Variants in ERBB2 observed in about 807,000 individuals in gnomAD.
ERBB2 encodes the protein receptor tyrosine-protein kinase erbB-2.
Under a neutral mutation model 149.0 loss-of-function variants are expected in ERBB2, and 61 were observed. That is an observed-to-expected ratio of 0.41 (90% confidence interval 0.33 to 0.51). The LOEUF (loss-of-function observed/expected upper bound fraction) is 0.51. ERBB2 is among the 20% of genes least tolerant of loss of function. The pLI is 0.25. For missense variants in ERBB2, 1,205 were observed against 1,655.1 expected, an observed-to-expected ratio of 0.73 and a Z score of 4.72; for synonymous variants, 633 against 678.8, an observed-to-expected ratio of 0.93 and a Z score of 1.05.
rs898009625 is a variant in ERBB2 at position 39,721,246 on chromosome 17, G to A, written c.1946+1412G>A. Among the ~76,000 whole-genome samples, 8 of 150,450 alleles carry A rather than the reference G, an allele frequency of 5.3e-5. No individual in the cohort carries two copies. In the East Asian group the frequency reaches 7.8e-4, roughly 15 times the overall value. Reference sequence around the variant, plus strand: ...ATCACAGGAGTGAGCCACCACTCCTGGCGATGAGCCAAGTCTTTTTTTTTT... The same window carrying A: ...ATCACAGGAGTGAGCCACCACTCCTAGCGATGAGCCAAGTCTTTTTTTTTT... On this transcript the variant is annotated intron_variant, in intron 16 of 26. Coordinates refer to ENST00000269571, the MANE Select transcript of ERBB2 (RefSeq NM_004448.4).
intron 16 of ERBB2, among the ~76,000 whole-genome samples, chr17:39,721,995 C>T (rs926834951): frequency 5.3e-5 from 8 of 151,816 alleles, no homozygotes; most frequent in African/African-American, 1.7e-4. Context: ...CTTGGCTCAC[C>T]GCAACCTCCA....
upstream of ERBB2, among the ~76,000 whole-genome samples, chr17:39,697,091 T>C (rs2057879823): frequency 6.6e-6 from 1 of 152,106 alleles, no homozygotes; most frequent in South Asian, 2.1e-4. Context: ...CCAACTTTTC[T>C]CTCTAGCCCT....
Position 39,709,527 on chromosome 17 carries a change from C to G in ERBB2, c.574+75C>G, listed in dbSNP as rs115269951. The stretch of plus-strand genomic sequence containing the variant: ...AGCCGCAAACTCCCAACTTACAACC[C>G]AGTGCCTGCCCGCCACTGCCCCAGC... On this transcript the variant is annotated intron_variant, in intron 4 of 26. Transcript: ENST00000269571. 492 of 1,549,166 alleles carry G rather than the reference C, an allele frequency of 3.2e-4. 4 individuals carry two copies. In the African/African-American group the frequency reaches 5.9e-3, roughly 19 times the overall value.
upstream of ERBB2, among the ~76,000 whole-genome samples, chr17:39,691,572 T>TAC (rs1373633549): frequency 2.1e-4 from 26 of 121,558 alleles, no homozygotes; most frequent in Non-Finnish European, 3.1e-4. Flanking sequence ...TATATATATA[T>TAC]ATACACACAC....
chr17:39,710,982 C>T (rs1482136501), intron 7 of ERBB2, among the ~76,000 whole-genome samples: 1 of 152,194 alleles, frequency 6.6e-6, no homozygotes, highest in African/African-American at 2.4e-5. Flanking sequence ...TCACTGCAAC[C>T]TCCGCCTCCC....
chr17:39,697,367 T>G (rs1489878817), upstream of ERBB2, among the ~76,000 whole-genome samples: 2 of 150,928 alleles, frequency 1.3e-5, no homozygotes, highest in African/African-American at 4.9e-5. Flanking sequence ...TTTTTTTTTT[T>G]TTTTTGAGAC....
At chr17:39,708,890 C>T (rs4252615) in intron 3 of ERBB2, among the ~76,000 whole-genome samples, 3 of 152,294 alleles carry the variant, frequency 2.0e-5, no homozygotes, top group Admixed American at 6.5e-5. Flanking sequence ...ATTTCAGTCA[C>T]GCTGCAGTCC....
chr17:39,728,156 C>A lies in ERBB2; in HGVS notation c.*112C>A. On this transcript the variant is annotated 3_prime_UTR_variant, in exon 27 of 27. Transcript: ENST00000269571. ...GCCCTCCGACCACTTCCAGGGGAAC[C>A]TGCCATGCCAGGAACCTGTCCTAAG... The A allele has an allele frequency of 1.4e-6, 1 of 734,738 alleles. No individual in the cohort carries two copies. 45.5% of individuals were successfully genotyped at this position (734,738 alleles called of 1,614,324 possible). A position where few individuals can be genotyped will look rare whatever the true frequency, so the allele number is the denominator to read the frequency against.
chr17:39,692,052 A>G (rs1441769470), upstream of ERBB2, among the ~76,000 whole-genome samples: 2 of 151,336 alleles, frequency 1.3e-5, no homozygotes, highest in East Asian at 3.9e-4. Flanking sequence ...ACAGGGCTTC[A>G]CCATGTTGGT....
chr17:39,712,781 G>C (rs2058885223), intron 9 of ERBB2, among the ~76,000 whole-genome samples: 1 of 152,216 alleles, frequency 6.6e-6, no homozygotes, highest in Non-Finnish European at 1.5e-5. Context: ...ATAAACAAGT[G>C]GCAGTGTATC....
chr17:39,722,521 C>T (rs12950412), intron 16 of ERBB2, among the ~76,000 whole-genome samples: 3,904 of 152,120 alleles, frequency 0.026, 182 homozygotes, highest in African/African-American at 0.09. Context: ...AAATAAATAA[C>T]ACAAACTTAT....
At chr17:39,699,445 G>A (rs2057962258), upstream of ERBB2, 2 of 1,079,296 alleles carry the variant, frequency 1.9e-6, no homozygotes, top group South Asian at 1.5e-5. Flanking sequence ...TGGGCAACAA[G>A]AGCAAAAGTT....
Position 39,700,186 on chromosome 17 carries a change from C to T in ERBB2, c.-53C>T. The T allele has an allele frequency of 7.3e-7, 1 of 1,371,062 alleles. No individual in the cohort carries two copies. 84.9% of individuals were successfully genotyped at this position (1,371,062 alleles called of 1,614,324 possible). A position where few individuals can be genotyped will look rare whatever the true frequency, so the allele number is the denominator to read the frequency against. Reference sequence around the variant, plus strand: ...CCCTCGCAGCACCCCGCGCCCCGCGCCCTCCCAGCCGGGTCCAGCCGGAGC... The same window carrying T: ...CCCTCGCAGCACCCCGCGCCCCGCGTCCTCCCAGCCGGGTCCAGCCGGAGC... On this transcript the variant is annotated 5_prime_UTR_variant, in exon 1 of 27. Coordinates refer to ENST00000269571, the MANE Select transcript of ERBB2 (RefSeq NM_004448.4).
rs1196103307 is a variant in ERBB2, at chr17:39,707,150, C to G, written c.225+9C>G. The G allele has an allele frequency of 1.9e-6, 3 of 1,551,092 alleles. No homozygotes were observed. The highest frequency in any genetic ancestry group is 2.6e-6 in the Non-Finnish European group (3 of 1,145,028). On this transcript the variant is annotated intron_variant, in intron 2 of 26. Transcript: ENST00000269571. ...GCCTGTCCTTCCTGCAGGTGAGGCCCGTGGGCAACCCAGCCAGGCCCTGCC... is the reference window on the plus strand; with the variant it reads ...GCCTGTCCTTCCTGCAGGTGAGGCCGGTGGGCAACCCAGCCAGGCCCTGCC...
In ERBB2 at chr17:39,700,095, G is replaced by GC. The variant is rs1330889927; in HGVS notation, c.-138dup. 8 of 1,278,792 alleles carry GC rather than the reference G, an allele frequency of 6.3e-6. No homozygotes were observed. The highest frequency in any genetic ancestry group is 2.7e-5 in the South Asian group (1 of 36,774). 79.2% of individuals were successfully genotyped at this position (1,278,792 alleles called of 1,614,324 possible). A position where few individuals can be genotyped will look rare whatever the true frequency, so the allele number is the denominator to read the frequency against. On this transcript the variant is annotated 5_prime_UTR_variant, in exon 1 of 27. Coordinates refer to ENST00000269571, the MANE Select transcript of ERBB2 (RefSeq NM_004448.4). ...CATTGGGACCGGAGAAACCAGGGGA[G>GC]CCCCCCGGGCAGCCGCGCGCCCCTT...
At chr17:39,694,288 T>TAC (rs1248015899), upstream of ERBB2, among the ~76,000 whole-genome samples, 2,837 of 60,548 alleles carry the variant, frequency 0.047, 252 homozygotes, top group African/African-American at 0.086. Flanking sequence ...TATATATATA[T>TAC]ACACATATAT....
chr17:39,716,601 G>A lies in ERBB2; in HGVS notation c.1733G>A (p.Gly578Glu), dbSNP rs1252848592. ...CAGAATGGCTCAGTGACCTGTTTTG[G>A]ACCGGTGAGCTGCTGGCGGGCTCAG... ...QPQNGSVTCFGPEADQCVACA... is the reference protein window; with the variant it reads ...QPQNGSVTCFEPEADQCVACA... The change falls in exon 14 of 27, where the codon GGA (glycine) becomes GAA (glutamate). Residue 578 changes from glycine to glutamate, a missense_variant. Physicochemically the swap from Gly to Glu is moderately conservative, Grantham distance 98. This residue lies in a region of ERBB2 where 569 missense variants were observed against 803.5 expected (regional missense o/e 0.71). Transcript: ENST00000269571. 6.2e-7 allele frequency: 1 copy of A among 1,613,840 alleles called. No individual in the cohort carries two copies.
intron 1 of ERBB2, among the ~76,000 whole-genome samples, chr17:39,703,958 G>C (rs1177922643): frequency 1.3e-5 from 2 of 152,204 alleles, no homozygotes; most frequent in African/African-American, 2.4e-5. Context: ...TGGTGGGGAG[G>C]AGAGAACCCA....
At chr17:39,714,102 C>T (rs929751379) in intron 9 of ERBB2, among the ~76,000 whole-genome samples, 2 of 151,722 alleles carry the variant, frequency 1.3e-5, no homozygotes, top group East Asian at 1.9e-4. Flanking sequence ...CTTCCTTTAC[C>T]TCCACTCCCC....
Sources: allele counts gnomAD v4.1 joint callset (sites outside exome capture counted in the v4.1 genomes callset), GRCh38; gene constraint gnomAD v4.1.1; regional missense constraint gnomAD v4.1.1; transcripts MANE v1.5; gene names NCBI Gene and HGNC (gene_info 2026-07-23, HGNC 2026-07-21).